Variants in NBPF12 observed in about 807,000 individuals in gnomAD.
NBPF12 encodes the protein NBPF family member NBPF12.
A neutral mutation model predicts 146.4 loss-of-function variants in NBPF12; 115 were observed. The ratio of observed to expected loss-of-function variants is 0.79; its 90% CI spans 0.68 to 0.92. The LOEUF is 0.92. Ranked by LOEUF, NBPF12 falls within the 40% of genes least tolerant of loss-of-function variation. The pLI is 0.00. For missense variants in NBPF12, 1,205 were observed against 1,326.8 expected, an observed-to-expected ratio of 0.91 and a Z score of 1.43; for synonymous variants, 385 against 508.9, an observed-to-expected ratio of 0.76 and a Z score of 3.28.
intron 14 of NBPF12, among the ~76,000 whole-genome samples, chr1:146,973,282 C>T (rs1371452515): frequency 6.6e-6 from 1 of 151,428 alleles, no homozygotes; most frequent in Non-Finnish European, 1.5e-5. Flanking sequence ...ATATAAGATC[C>T]TGCAGACAAA....
chr1:146,971,273 C>G, exon 13 of NBPF12: 1 of 1,612,170 alleles, frequency 6.2e-7, no homozygotes, highest in African/African-American at 1.4e-5. Context: ...GCCCTTGTGA[C>G]TCCAACCAGC....
At position 146,966,690 on chromosome 1, in the gene NBPF12, C is replaced by T. The variant is rs1656234130; in HGVS notation, c.988+17C>T. 3.4e-5 allele frequency: 42 copies of T among 1,247,310 alleles called. No individual in the cohort carries two copies. In the South Asian group the frequency reaches 4.9e-4, roughly 15 times the overall value. 77.3% of individuals were successfully genotyped at this position (1,247,310 alleles called of 1,614,324 possible). On this transcript the variant is annotated intron_variant, in intron 9 of 33. Transcript: ENST00000617844. The stretch of plus-strand genomic sequence containing the variant: ...ACAAATACAGTAAGATCTACAGGCT[C>T]ACCATCACGAAAGTGATGAACAACG...
chr1:146,939,642 A>G (rs2101801460), intron 1 of NBPF12, among the ~76,000 whole-genome samples: 1 of 151,936 alleles, frequency 6.6e-6, no homozygotes, highest in South Asian at 2.1e-4. Flanking sequence ...AGATTATCTC[A>G]TTTGGCGTCC....
intron 13 of NBPF12, among the ~76,000 whole-genome samples, chr1:146,971,904 C>T (rs1444240976): frequency 1.6e-4 from 19 of 120,906 alleles, no homozygotes; most frequent in Non-Finnish European, 2.8e-4. Flanking sequence ...ACGGTGAAAC[C>T]CCATCTTTAC....
At chr1:146,949,759 G>A (rs1211061138) in intron 1 of NBPF12, among the ~76,000 whole-genome samples, 4 of 151,266 alleles carry the variant, frequency 2.6e-5, no homozygotes, top group Admixed American at 6.6e-5. Context: ...GTGGGGGACT[G>A]AGGGCCCTTT....
At chr1:146,965,254 C>A (rs1351135922) in intron 8 of NBPF12, 150 bp downstream of exon 11, 2 of 670,944 alleles carry the variant, frequency 3.0e-6, no homozygotes, top group Non-Finnish European at 5.4e-6. Flanking sequence ...AATCACAGCA[C>A]TTTGGAAGGC....
chr1:146,945,014 C>CCCTCCCTCCCTTCCTT (rs1654976412), upstream of NBPF12, among the ~76,000 whole-genome samples: 3 of 32,122 alleles, frequency 9.3e-5, no homozygotes, highest in African/African-American at 1.1e-4. Flanking sequence ...CTTCCTTCCT[C>CCCTCCCTCCCTTCCTT]CCTCCCTCCC....
At chr1:146,950,311 C>T (rs1456481916) in intron 1 of NBPF12, among the ~76,000 whole-genome samples, 2 of 151,884 alleles carry the variant, frequency 1.3e-5, no homozygotes, top group African/African-American at 4.8e-5. Context: ...AGTGCAGATC[C>T]TTGACATAAT....
Position 146,962,279 on chromosome 1 carries a change from G to A in NBPF12, c.278+16G>A, listed in dbSNP as rs1203380803. On this transcript the variant is annotated intron_variant, in intron 5 of 33. Transcript: ENST00000617844. ...AGGAGCTCAGGTGAGGGGACCCCATGGGGGGAGGCAGGCGGGTAGGTGTGT... is the reference window on the plus strand; with the variant it reads ...AGGAGCTCAGGTGAGGGGACCCCATAGGGGGAGGCAGGCGGGTAGGTGTGT... The A allele has an allele frequency of 5.9e-4, 949 of 1,596,032 alleles. 2 individuals carry two copies. Among genetic ancestry groups the A allele is most frequent in the Admixed American group, 3.8e-3 (226 of 59,976 alleles).
rs1309131244 is a variant in NBPF12, at chr1:146,964,226, G to A, written c.494-131G>A. 331 of 1,409,882 alleles carry A rather than the reference G, an allele frequency of 2.3e-4. 3 individuals are homozygous for A. The African/African-American group carries it at 2.5e-3, about 10-fold the overall frequency. The allele number at this position is 1,409,882 out of a possible 1,614,324, so 87.3% of individuals were successfully genotyped here. On this transcript the variant is annotated intron_variant, in intron 6 of 33. Coordinates refer to ENST00000617844, the Ensembl canonical transcript of NBPF12. ...AAACCATGCCAGAGCATTTTGTGAA[G>A]GATAAAACATGAGAGTTTTCAGTAC...
chr1:146,987,461 T>C (rs1259255898), intron 25 of NBPF12, among the ~76,000 whole-genome samples, 176 bp downstream of exon 28: 1 of 152,094 alleles, frequency 6.6e-6, no homozygotes, highest in East Asian at 1.9e-4. Context: ...CATTTCTTCC[T>C]CCCCTTATCA....
At chr1:146,990,873 C>T (rs1242038575) in intron 29 of NBPF12, among the ~76,000 whole-genome samples, 17 of 86,726 alleles carry the variant, frequency 2.0e-4, no homozygotes, top group East Asian at 4.2e-4. Context: ...GTGTGTCACC[C>T]GGCCAATTCG....
At chr1:146,994,634 A>C (rs1553890169) in exon 34 of NBPF12, 1 of 1,586,044 alleles carries the variant, frequency 6.3e-7, no homozygotes, top group African/African-American at 1.4e-5. Context: ...AGGCACCTGA[A>C]GATTTGAATG....
Position 146,971,097 on chromosome 1 carries a change from C to T in NBPF12, c.1380-86C>T, listed in dbSNP as rs1474532952. ...CTTTCTGGGACCACTCTCTTAATGCCGCTTGTCAAAACCAGCTAGGACTCC... is the reference window on the plus strand; with the variant it reads ...CTTTCTGGGACCACTCTCTTAATGCTGCTTGTCAAAACCAGCTAGGACTCC... On this transcript the variant is annotated intron_variant, in intron 12 of 33. Coordinates refer to ENST00000617844, the Ensembl canonical transcript of NBPF12. The T allele has an allele frequency of 1.5e-5, 24 of 1,599,060 alleles. 1 individual carries two copies. Among genetic ancestry groups the T allele is most frequent in the African/African-American group, 9.6e-5 (7 of 73,192 alleles).
intron 10 of NBPF12, 116 bp downstream of exon 13, chr1:146,968,666 A>G: frequency 1.1e-5 from 10 of 916,750 alleles, no homozygotes; most frequent in Non-Finnish European, 1.8e-5. Context: ...AGGAATTGCC[A>G]TGGCAGGCTC....
In NBPF12 at chr1:146,951,932, G is replaced by A. The variant is rs1307995252; in HGVS notation, c.-184+443G>A. On this transcript the variant is annotated intron_variant, in intron 2 of 33. Transcript: ENST00000617844. ...CCACCAGGAATGTCTGGACACAGTAGACAAAGGTTTTTCAACTGGATGCCT... is the reference window on the plus strand; with the variant it reads ...CCACCAGGAATGTCTGGACACAGTAAACAAAGGTTTTTCAACTGGATGCCT... The A allele has an allele frequency of 8.2e-4, 148 of 180,384 alleles. No homozygotes were observed. The Middle Eastern group carries it at 0.014, about 17-fold the overall frequency. The allele number at this position is 180,384 out of a possible 1,614,324, so 11.2% of individuals were successfully genotyped here. A position where few individuals can be genotyped will look rare whatever the true frequency, so the allele number is the denominator to read the frequency against.
exon 14 of NBPF12, chr1:146,972,828 A>G: frequency 7.3e-7 from 1 of 1,366,802 alleles, no homozygotes; most frequent in East Asian, 2.3e-5. Flanking sequence ...GAAGGCAGAG[A>G]TGAACATTCT....
chr1:146,954,969 A>AATATATATATATATAT (rs1171967177), intron 2 of NBPF12, among the ~76,000 whole-genome samples: 5 of 53,480 alleles, frequency 9.3e-5, no homozygotes, highest in Non-Finnish European at 1.7e-4. Flanking sequence ...CCAAATAGGG[A>AATATATATATATATAT]ATATATATAT....
upstream of NBPF12, among the ~76,000 whole-genome samples, chr1:146,948,319 G>T (rs1195722997): frequency 6.6e-6 from 1 of 151,812 alleles, no homozygotes; most frequent in Non-Finnish European, 1.5e-5. Context: ...GAACTGTGGG[G>T]AAAAGAAAGA....
Sources: allele counts gnomAD v4.1 joint callset (sites outside exome capture counted in the v4.1 genomes callset), GRCh38; gene constraint gnomAD v4.1.1; transcripts MANE v1.5; gene names NCBI Gene and HGNC (gene_info 2026-07-23, HGNC 2026-07-21).